Variants in KSR2 observed in about 807,000 individuals in gnomAD.
The protein encoded by KSR2 is kinase suppressor of ras 2.
In KSR2, 25 loss-of-function variants were observed where a neutral mutation model predicts 107.8. The observed-to-expected ratio is 0.23, with a 90% CI of 0.17 to 0.32. KSR2 has a LOEUF of 0.32. KSR2 is among the 10% of genes least tolerant of loss of function. The pLI is 1.00. For synonymous variants in KSR2, 480 were observed against 507.0 expected (o/e 0.95, Z 0.71); for missense variants, 887 against 1,268.9 (o/e 0.70, Z 4.57).
intron 3 of KSR2, among the ~76,000 whole-genome samples, chr12:117,818,087 CGA>C (rs1171890842): frequency 6.7e-6 from 1 of 150,064 alleles, no homozygotes; most frequent in East Asian, 2.0e-4. Context: ...GGTAACAGAG[CGA>C]GACTCTGTTT....
chr12:117,655,302 T>C (rs918518481), intron 5 of KSR2, among the ~76,000 whole-genome samples: 26 of 152,174 alleles, frequency 1.7e-4, no homozygotes, highest in African/African-American at 5.5e-4. Flanking sequence ...TAAAGAAGTG[T>C]GGCATGGGCT....
At chr12:117,557,805 T>G (rs1877811845) in intron 8 of KSR2, among the ~76,000 whole-genome samples, 1 of 152,176 alleles carries the variant, frequency 6.6e-6, no homozygotes, top group Non-Finnish European at 1.5e-5. Flanking sequence ...ATAATGGAGT[T>G]TGGGGGTGAT....
At chr12:117,663,385 T>C (rs2136471385) in intron 5 of KSR2, among the ~76,000 whole-genome samples, 1 of 152,302 alleles carries the variant, frequency 6.6e-6, no homozygotes, top group Middle Eastern at 3.4e-3. Context: ...TGATGGAGTT[T>C]AAATGAAATA....
At chr12:117,813,025 C>T (rs1441678348) in intron 3 of KSR2, among the ~76,000 whole-genome samples, 1 of 151,918 alleles carries the variant, frequency 6.6e-6, no homozygotes, top group African/African-American at 2.4e-5. Flanking sequence ...AATTAATCCA[C>T]ATATCTATAG....
intron 14 of KSR2, among the ~76,000 whole-genome samples, chr12:117,524,129 G>A (rs567196174): frequency 3.4e-4 from 52 of 152,290 alleles, no homozygotes; most frequent in Non-Finnish European, 5.9e-4. Context: ...CAGTGGTTGA[G>A]TAGAGTAGCT....
intron 5 of KSR2, among the ~76,000 whole-genome samples, chr12:117,628,322 C>T (rs1882629204): frequency 6.6e-6 from 1 of 152,192 alleles, no homozygotes; most frequent in Non-Finnish European, 1.5e-5. Flanking sequence ...GGTTTCTCCC[C>T]ATCTTTGTGG....
intron 5 of KSR2, among the ~76,000 whole-genome samples, chr12:117,630,665 C>A (rs1011777819): frequency 6.6e-6 from 1 of 151,918 alleles, no homozygotes; most frequent in African/African-American, 2.4e-5. Flanking sequence ...TGGTTCTGAC[C>A]CAGCAGTGGA....
intron 10 of KSR2, among the ~76,000 whole-genome samples, chr12:117,538,675 T>C (rs1876227331): frequency 6.6e-6 from 1 of 152,370 alleles, no homozygotes; most frequent in South Asian, 2.1e-4. Context: ...ACCAGCCACA[T>C]GTGGCTACTG....
chr12:117,893,498 G>A (rs771967189), intron 1 of KSR2, among the ~76,000 whole-genome samples: 2 of 152,194 alleles, frequency 1.3e-5, no homozygotes, highest in African/African-American at 2.4e-5. Flanking sequence ...TGCCAAGCAC[G>A]TAAGCTCTCT....
chr12:117,741,354 A>C (rs1264210809), intron 4 of KSR2, among the ~76,000 whole-genome samples: 1 of 136,706 alleles, frequency 7.3e-6, no homozygotes, highest in Non-Finnish European at 1.6e-5. Flanking sequence ...CAGTCTGTAC[A>C]AAAAAAAAAA....
In KSR2 at chr12:117,710,114, C is replaced by T. The variant is rs1177117486; in HGVS notation, c.987-42456G>A. Among the ~76,000 whole-genome samples, 3 of 152,018 alleles carry T rather than the reference C, an allele frequency of 2.0e-5. No homozygotes were observed. The East Asian group carries it at 5.8e-4, about 29-fold the overall frequency. ...AGAATGTTGGAATATTGAATCGAGC[C>T]CTGAATCTGAGGAGAGAAATGAGTG... On this transcript the variant is annotated intron_variant, in intron 4 of 19. Transcript: ENST00000339824.
chr12:117,522,931 G>A (rs7974925), intron 14 of KSR2, among the ~76,000 whole-genome samples: 55,155 of 152,044 alleles, frequency 0.36, 10,391 homozygotes, highest in South Asian at 0.55. Context: ...AAGTTGTGGA[G>A]TAGTACTCAG....
intron 1 of KSR2, among the ~76,000 whole-genome samples, chr12:117,923,979 A>G (rs1895424213): frequency 6.6e-6 from 1 of 151,298 alleles, no homozygotes; most frequent in Admixed American, 6.6e-5. Flanking sequence ...CCGGGGTTCA[A>G]GTGAATCTCC....
intron 3 of KSR2, among the ~76,000 whole-genome samples, chr12:117,820,950 C>A (rs1013139186): frequency 9.9e-5 from 15 of 151,456 alleles, no homozygotes; most frequent in Admixed American, 1.3e-4. Context: ...CATTAAGGCC[C>A]TAAAGAGTCA....
chr12:117,926,754 C>A (rs755157528), intron 1 of KSR2, among the ~76,000 whole-genome samples: 11 of 152,218 alleles, frequency 7.2e-5, no homozygotes, highest in Non-Finnish European at 1.3e-4. Flanking sequence ...AATTAAAACT[C>A]TCCAAGGGTG....
At chr12:117,493,741 C>A (rs533915132) in intron 14 of KSR2, among the ~76,000 whole-genome samples, 11 of 152,292 alleles carry the variant, frequency 7.2e-5, no homozygotes, top group African/African-American at 2.6e-4. Context: ...TGAATTGTAT[C>A]TCTCAGAATT....
chr12:117,759,722 T>G (rs1452187997), intron 4 of KSR2, among the ~76,000 whole-genome samples: 1 of 152,182 alleles, frequency 6.6e-6, no homozygotes, highest in Non-Finnish European at 1.5e-5. Context: ...CTCATATTGG[T>G]GGAATTATAC....
chr12:117,930,156 C>T (rs1895656970), intron 1 of KSR2, among the ~76,000 whole-genome samples: 1 of 152,094 alleles, frequency 6.6e-6, no homozygotes, highest in Admixed American at 6.6e-5. Context: ...GCCTCAGCCT[C>T]CCAAGTAGCT....
chr12:117,771,017 G>T (rs77406428), intron 3 of KSR2, among the ~76,000 whole-genome samples: 2 of 150,278 alleles, frequency 1.3e-5, no homozygotes, highest in Non-Finnish European at 3.0e-5. Flanking sequence ...AACAAGTAAT[G>T]CTATAAAGCA....
Sources: allele counts gnomAD v4.1 joint callset (sites outside exome capture counted in the v4.1 genomes callset), GRCh38; gene constraint gnomAD v4.1.1; transcripts MANE v1.5; gene names NCBI Gene and HGNC (gene_info 2026-07-23, HGNC 2026-07-21).